The following HAUS7 variants were observed in gnomAD, a reference collection of about 807,000 sequenced individuals.
The protein encoded by HAUS7 is HAUS augmin-like complex subunit 7.
A neutral mutation model predicts 28.4 loss-of-function variants in HAUS7; 3 were observed. The observed-to-expected ratio is 0.11, with a 90% CI of 0.05 to 0.27. The LOEUF is 0.27. HAUS7 is among the 10% of genes least tolerant of loss of function. HAUS7 has a pLI of 1.00. For synonymous variants in HAUS7, 165 were observed against 132.1 expected (o/e 1.25, Z -1.71); for missense variants, 284 against 297.3 (o/e 0.96, Z 0.33).
upstream of HAUS7, among the ~76,000 whole-genome samples, chrX:153,471,605 A>G (rs1556985383): frequency 8.9e-6 from 1 of 112,801 alleles, no homozygotes; most frequent in African/African-American, 3.2e-5. Context: ...TGTGCCCAGT[A>G]GCCAGGAGAC....
At chrX:153,480,470 G>A (rs2089592631) in intron 1 of HAUS7, 10 of 470,870 alleles carry the variant, frequency 2.1e-5, no homozygotes, top group Non-Finnish European at 2.1e-5. Context: ...AGGGAAAGGC[G>A]GGGCGGGGGG....
In HAUS7 at chrX:153,494,741, G is replaced by C. The variant is rs1337086373; in HGVS notation, c.-589+633C>G. Among the ~76,000 whole-genome samples the C allele has an allele frequency of 1.4e-4, 9 of 66,158 alleles. No individual in the cohort carries two copies. In the South Asian group the frequency reaches 2.6e-3, roughly 19 times the overall value. The allele number at this position is 66,158 out of a possible 115,157, so 57.5% of individuals were successfully genotyped here. A position where few individuals can be genotyped will look rare whatever the true frequency, so the allele number is the denominator to read the frequency against. ...TTGCTGTCTGCCCCAGGCGGGGGAG[G>C]GGGGGGGAGGTGGTGGGGGCGAGGG... On this transcript the variant is annotated intron_variant, in intron 1 of 5. Transcript: ENST00000370210.
chrX:153,472,720 C>T (rs920126711), upstream of HAUS7, among the ~76,000 whole-genome samples: 5 of 97,159 alleles, frequency 5.1e-5, no homozygotes, highest in African/African-American at 1.5e-4. Flanking sequence ...GGTGGGTGGG[C>T]GGGGATGTGG....
intron 1 of HAUS7, among the ~76,000 whole-genome samples, chrX:153,486,456 G>A (rs181519326): frequency 5.3e-5 from 6 of 112,575 alleles, no homozygotes; most frequent in African/African-American, 1.6e-4. Context: ...TTGGGAGGGG[G>A]CCAGGAGGCC....
intron 1 of HAUS7, among the ~76,000 whole-genome samples, chrX:153,485,316 G>A (rs781888255): frequency 1.1e-4 from 12 of 111,848 alleles, no homozygotes; most frequent in African/African-American, 3.9e-4. Flanking sequence ...AGAGGGCTTC[G>A]AGGCCGAGGA....
chrX:153,479,144 T>A, intron 1 of HAUS7: 1 of 124,683 alleles, frequency 8.0e-6, no homozygotes, highest in Non-Finnish European at 1.6e-5. Context: ...CAGGGAAGAC[T>A]CCAAGTGCCG....
intron 8 of HAUS7, 23 bp from the exon 9 acceptor site, chrX:153,454,531 AGG>A (rs2089279828): frequency 2.7e-5 from 2 of 74,242 alleles, no homozygotes; most frequent in Admixed American, 2.6e-4. Flanking sequence ...GGAGGGAGGG[AGG>A]GAGGGAGGGA....
At chrX:153,474,201 A>G (rs1324824481), upstream of HAUS7, among the ~76,000 whole-genome samples, 1 of 112,301 alleles carries the variant, frequency 8.9e-6, no homozygotes, top group African/African-American at 3.2e-5. Context: ...GTCTACTGGC[A>G]TATGAGAATG....
At chrX:153,459,327 G>A (rs182226990) in intron 4 of HAUS7, among the ~76,000 whole-genome samples, 118 of 112,348 alleles carry the variant, frequency 1.1e-3, no homozygotes, top group African/African-American at 3.2e-3. Context: ...ACTATTTACC[G>A]CCTTTCTGTA....
At chrX:153,470,419 G>A in intron 1 of HAUS7, 31 bp downstream of exon 1, 1 of 1,179,234 alleles carries the variant, frequency 8.5e-7, no homozygotes, top group South Asian at 1.8e-5. Flanking sequence ...CCGGTCCCCC[G>A]CCCTGGAGTG....
intron 4 of HAUS7, among the ~76,000 whole-genome samples, chrX:153,459,539 G>A (rs944854322): frequency 6.3e-5 from 7 of 111,345 alleles, no homozygotes; most frequent in African/African-American, 2.0e-4. Flanking sequence ...CTATGCTTAC[G>A]AGGCTCCCAC....
intron 2 of HAUS7, among the ~76,000 whole-genome samples, chrX:153,468,656 C>G (rs1311111207): frequency 8.9e-6 from 1 of 112,426 alleles, no homozygotes; most frequent in Non-Finnish European, 1.9e-5. Context: ...GGTCACGGCA[C>G]AGAAGCTGAC....
intron 1 of HAUS7, among the ~76,000 whole-genome samples, 176 bp from the exon 2 acceptor site, chrX:153,469,437 T>C (rs1556984811): frequency 2.7e-5 from 3 of 112,692 alleles, no homozygotes; most frequent in Non-Finnish European, 5.6e-5. Context: ...GCAATTCTCC[T>C]GCCTCAGCTC....
chrX:153,477,779 G>C (rs1368536618), intron 1 of HAUS7, among the ~76,000 whole-genome samples: 2 of 112,313 alleles, frequency 1.8e-5, no homozygotes, highest in African/African-American at 3.2e-5. Context: ...TACGTGGCAG[G>C]GTCCAAATTC....
intron 9 of HAUS7, among the ~76,000 whole-genome samples, chrX:153,451,669 G>T (rs1441530727): frequency 1.8e-5 from 2 of 112,524 alleles, no homozygotes; most frequent in African/African-American, 6.5e-5. Context: ...GCTGCTGCCT[G>T]AGGCAGTGCA....
In HAUS7 at chrX:153,452,382, G is replaced by A. The variant is rs190263948; in HGVS notation, c.1045+2012C>T. Among the ~76,000 whole-genome samples, 9 of 112,341 alleles carry A rather than the reference G, an allele frequency of 8.0e-5. No homozygotes were observed. The Admixed American group carries it at 8.4e-4, about 11-fold the overall frequency. On this transcript the variant is annotated intron_variant, in intron 9 of 9. Transcript: ENST00000370211. ...GATAAATATAAAAATGTGTACCAAT[G>A]TACACATTTAATACAGCTTCATTCT...
chrX:153,455,418 T>TCCCAGCCCCG (rs2089292980), intron 8 of HAUS7, 124 bp downstream of exon 8: 1 of 491,358 alleles, frequency 2.0e-6, no homozygotes, highest in African/African-American at 2.4e-5. Context: ...TCCCAGCCCC[T>TCCCAGCCCCG]GGTCCTGCCC....
Position 153,454,495 on chromosome X carries a change from AC to A in HAUS7, c.943del (p.Val315SerfsTer15). On this transcript the variant is annotated frameshift_variant, in exon 9 of 10. Transcript: ENST00000370211. LOFTEE classifies it high-confidence loss of function. Reference protein sequence around the residue: ...LTSYSQLLQVVMAVADTSAKA... With the variant: ...LTSYSQLLQVXMAVADTSAKA... Reference sequence around the variant, plus strand: ...CGCAGAGGTGTCAGCAACTGCCATGACCACTTGCAGCAGCTGGGGAGGGAGG... The same window carrying A: ...CGCAGAGGTGTCAGCAACTGCCATGACACTTGCAGCAGCTGGGGAGGGAGG... The A allele has an allele frequency of 1.4e-6, 1 of 732,415 alleles. No individual in the cohort carries two copies. The highest frequency in any genetic ancestry group is 1.9e-6 in the Non-Finnish European group (1 of 535,333). The allele number at this position is 732,415 out of a possible 1,213,427, so 60.4% of individuals were successfully genotyped here.
chrX:153,491,535 C>A (rs1464850427), intron 1 of HAUS7, among the ~76,000 whole-genome samples: 1 of 112,757 alleles, frequency 8.9e-6, no homozygotes, highest in Non-Finnish European at 1.9e-5. Context: ...CTCCCTCAGA[C>A]ATGTCCTTGT....
Sources: allele counts gnomAD v4.1 joint callset (sites outside exome capture counted in the v4.1 genomes callset), GRCh38; gene constraint gnomAD v4.1.1; transcripts MANE v1.5; gene names NCBI Gene and HGNC (gene_info 2026-07-23, HGNC 2026-07-21).